RBMS3: variants seen among roughly 807,000 people sequenced by gnomAD.
The protein encoded by RBMS3 is RNA-binding motif, single-stranded-interacting protein 3.
Under a neutral mutation model 66.8 loss-of-function variants are expected in RBMS3, and 27 were observed. The ratio of observed to expected loss-of-function variants is 0.40; its 90% CI spans 0.30 to 0.56. The LOEUF (loss-of-function observed/expected upper bound fraction) is 0.56. Ranked by LOEUF, RBMS3 falls within the 20% of genes least tolerant of loss-of-function variation. RBMS3 has a pLI of 0.40. For synonymous variants in RBMS3, 188 were observed against 183.0 expected, an observed-to-expected ratio of 1.03 and a Z score of -0.22; for missense variants, 513 against 549.5, an observed-to-expected ratio of 0.93 and a Z score of 0.66.
intron 1 of RBMS3, among the ~76,000 whole-genome samples, chr3:29,415,684 A>G (rs1389655412): frequency 1.3e-5 from 2 of 152,178 alleles, no homozygotes; most frequent in African/African-American, 4.8e-5. Context: ...TAGAAATAGT[A>G]GAACGGATGG....
At chr3:29,877,968 C>T (rs1478985381) in intron 7 of RBMS3, among the ~76,000 whole-genome samples, 1 of 152,038 alleles carries the variant, frequency 6.6e-6, no homozygotes, top group East Asian at 1.9e-4. Flanking sequence ...CCTCATCATT[C>T]TTGGCATTAG....
rs181177113 is a variant in RBMS3 at position 29,775,481 on chromosome 3, T to G, written c.637+12492T>G. ...GCATGCTGCAATTGTGGGAATGGAA[T>G]TATGTGAATTTGTGAGTAGCATGCG... On this transcript the variant is annotated intron_variant, in intron 6 of 14. Transcript: ENST00000383767. Among the ~76,000 whole-genome samples the G allele has an allele frequency of 2.7e-4, 41 of 152,128 alleles. 1 individual carries two copies. The highest frequency in any genetic ancestry group is 2.7e-3 in the Admixed American group (41 of 15,226).
chr3:29,510,040 A>G (rs2044337257), intron 3 of RBMS3, among the ~76,000 whole-genome samples: 1 of 152,236 alleles, frequency 6.6e-6, no homozygotes, highest in Admixed American at 6.5e-5. Context: ...ATAAAATTGC[A>G]GCCATTTATC....
At chr3:29,821,333 T>C (rs1209834024) in intron 6 of RBMS3, among the ~76,000 whole-genome samples, 1 of 152,158 alleles carries the variant, frequency 6.6e-6, no homozygotes, top group Non-Finnish European at 1.5e-5. Flanking sequence ...ATGGACTCTA[T>C]CTTGAGTAAG....
chr3:29,523,519 C>CA (rs2044951361), intron 3 of RBMS3, among the ~76,000 whole-genome samples: 1 of 151,956 alleles, frequency 6.6e-6, no homozygotes, highest in Non-Finnish European at 1.5e-5. Flanking sequence ...AGGGTTATTT[C>CA]CTGGATATCT....
At position 29,704,920 on chromosome 3, in the gene RBMS3, G is replaced by A. The variant is rs1367208360; in HGVS notation, c.400-34800G>A. On this transcript the variant is annotated intron_variant, in intron 4 of 14. Coordinates refer to ENST00000383767, the MANE Select transcript of RBMS3 (RefSeq NM_001003793.3). ...TTAGCTTTGGCCATTGCTTGGCAAGGGGTTAGTTCTTACTTCCAAATTCAT... is the reference window on the plus strand; with the variant it reads ...TTAGCTTTGGCCATTGCTTGGCAAGAGGTTAGTTCTTACTTCCAAATTCAT... Among the ~76,000 whole-genome samples, 18 of 152,154 alleles carry A rather than the reference G, an allele frequency of 1.2e-4. No homozygotes were observed. In the East Asian group the frequency reaches 3.5e-3, roughly 29 times the overall value.
chr3:29,370,608 G>A (rs542528004), intron 1 of RBMS3, among the ~76,000 whole-genome samples: 7 of 152,280 alleles, frequency 4.6e-5, no homozygotes, highest in Non-Finnish European at 1.0e-4. Context: ...ATCACCAGAG[G>A]AGGAATAATT....
intron 3 of RBMS3, among the ~76,000 whole-genome samples, chr3:29,557,361 A>G (rs1156823192): frequency 1.3e-5 from 2 of 152,228 alleles, no homozygotes; most frequent in Non-Finnish European, 2.9e-5. Flanking sequence ...CCAAGGCATC[A>G]TGAGCATCTC....
intron 2 of RBMS3, among the ~76,000 whole-genome samples, chr3:29,464,114 T>C (rs1271019941): frequency 6.6e-6 from 1 of 152,116 alleles, no homozygotes; most frequent in East Asian, 1.9e-4. Flanking sequence ...TGTGTACAAA[T>C]TGACCACAAT....
intron 1 of RBMS3, among the ~76,000 whole-genome samples, chr3:29,287,029 C>A (rs568013844): frequency 6.6e-6 from 1 of 152,126 alleles, no homozygotes; most frequent in South Asian, 2.1e-4. Context: ...TATGCTATAG[C>A]TATTGCACAG....
intron 2 of RBMS3, among the ~76,000 whole-genome samples, chr3:29,458,188 T>C (rs1026520006): frequency 1.3e-5 from 2 of 152,190 alleles, no homozygotes; most frequent in Admixed American, 6.5e-5. Context: ...GTATGTCTTA[T>C]TTATTACTGA....
intron 4 of RBMS3, among the ~76,000 whole-genome samples, chr3:29,674,467 C>T (rs1017818652): frequency 3.3e-5 from 5 of 151,876 alleles, no homozygotes; most frequent in Non-Finnish European, 7.4e-5. Flanking sequence ...TCAAATTGTC[C>T]CCGTTTGCAG....
At chr3:29,763,485 C>G (rs1576732754) in intron 6 of RBMS3, among the ~76,000 whole-genome samples, 1 of 152,064 alleles carries the variant, frequency 6.6e-6, no homozygotes, top group Admixed American at 6.6e-5. Context: ...TTTTCTTTTA[C>G]AAAAATATCA....
intron 3 of RBMS3, among the ~76,000 whole-genome samples, chr3:29,563,109 T>C (rs1340808983): frequency 6.6e-6 from 1 of 152,170 alleles, no homozygotes; most frequent in Admixed American, 6.5e-5. Context: ...AATTGATAGA[T>C]AAACCTCTAG....
intron 3 of RBMS3, among the ~76,000 whole-genome samples, chr3:29,572,792 T>C (rs970661072): frequency 1.3e-5 from 2 of 152,186 alleles, no homozygotes; most frequent in African/African-American, 4.8e-5. Flanking sequence ...TAGAATGAAT[T>C]TGAAATTATT....
chr3:29,933,566 T>G (rs1018264284), intron 10 of RBMS3, among the ~76,000 whole-genome samples: 4 of 152,156 alleles, frequency 2.6e-5, no homozygotes, highest in African/African-American at 9.7e-5. Flanking sequence ...TAATAATTTG[T>G]AGGATTGTTT....
At chr3:29,972,130 A>G (rs966520736) in intron 12 of RBMS3, among the ~76,000 whole-genome samples, 56 of 152,100 alleles carry the variant, frequency 3.7e-4, no homozygotes, top group African/African-American at 1.3e-3. Context: ...TTTGGCAAGG[A>G]GTGGAATCTG....
At chr3:29,712,454 G>A (rs543260975) in intron 4 of RBMS3, among the ~76,000 whole-genome samples, 7 of 152,026 alleles carry the variant, frequency 4.6e-5, no homozygotes, top group African/African-American at 1.4e-4. Context: ...CTCGGGCTAC[G>A]AATGCATGCT....
At chr3:29,726,520 GCAAAAT>G (rs2053884000) in intron 4 of RBMS3, among the ~76,000 whole-genome samples, 1 of 152,128 alleles carries the variant, frequency 6.6e-6, no homozygotes, top group Non-Finnish European at 1.5e-5. Flanking sequence ...GTCCCAGGAT[GCAAAAT>G]CAATGTGCAA....
Sources: allele counts gnomAD v4.1 joint callset (sites outside exome capture counted in the v4.1 genomes callset), GRCh38; gene constraint gnomAD v4.1.1; transcripts MANE v1.5; gene names NCBI Gene and HGNC (gene_info 2026-07-23, HGNC 2026-07-21).